Variants in CYP4Z1 observed in about 807,000 individuals in gnomAD.
The protein encoded by CYP4Z1 is cytochrome P450 4Z1.
Under a neutral mutation model 54.2 loss-of-function variants are expected in CYP4Z1, and 41 were observed. The observed-to-expected ratio is 0.76, with a 90% CI of 0.59 to 0.98. The LOEUF is 0.98. Among genes scored for constraint, CYP4Z1 ranks in the 50% least tolerant of loss-of-function variants. The pLI is 0.00. For synonymous variants in CYP4Z1, 163 were observed against 206.2 expected (o/e 0.79, Z 1.79); for missense variants, 513 against 599.0 (o/e 0.86, Z 1.50).
intron 7 of CYP4Z1, among the ~76,000 whole-genome samples, chr1:47,095,816 C>G (rs886749504): frequency 6.6e-6 from 1 of 152,182 alleles, no homozygotes; most frequent in African/African-American, 2.4e-5. Flanking sequence ...CAAATGGCAC[C>G]ATGTGAACAT....
intron 2 of CYP4Z1, among the ~76,000 whole-genome samples, chr1:47,072,729 T>C (rs1644491130): frequency 8.0e-6 from 1 of 125,426 alleles, no homozygotes; most frequent in Non-Finnish European, 1.7e-5. Context: ...ATAGGTATCA[T>C]GAGCTTCACA....
intron 6 of CYP4Z1, among the ~76,000 whole-genome samples, chr1:47,092,595 G>C (rs1307196802): frequency 6.6e-6 from 1 of 151,994 alleles, no homozygotes; most frequent in Non-Finnish European, 1.5e-5. Context: ...TATTGGGGTT[G>C]CAATTAGGGG....
Position 47,068,482 on chromosome 1 carries a change from A to AACT in CYP4Z1, c.178-139_178-137dup, listed in dbSNP as rs551731635. On this transcript the variant is annotated intron_variant, in intron 1 of 11. Transcript: ENST00000334194. Reference sequence around the variant, plus strand: ...GGTGCTGGAGACACATGGAGAAGAAAACTTGCCTTCAACAGATGTGAACCT... The same window carrying AACT: ...GGTGCTGGAGACACATGGAGAAGAAAACTACTTGCCTTCAACAGATGTGAACCT... 4.2e-3 allele frequency: 4,564 copies of AACT among 1,082,094 alleles called. 16 individuals carry two copies. The highest frequency in any genetic ancestry group is 5.2e-3 in the Non-Finnish European group (3,913 of 749,152). The allele number at this position is 1,082,094 out of a possible 1,614,324, so 67.0% of individuals were successfully genotyped here.
At chr1:47,115,687 A>G in intron 10 of CYP4Z1, 94 bp downstream of exon 10, 1 of 1,207,460 alleles carries the variant, frequency 8.3e-7, no homozygotes, top group South Asian at 1.3e-5. Flanking sequence ...TAGGATAACG[A>G]TCTGTCATTT....
At chr1:47,057,335 A>AAAAAAATATAT in the CYP4Z1 span, among the ~76,000 whole-genome samples, 15 of 28,476 alleles carry the variant, frequency 5.3e-4, no homozygotes, top group African/African-American at 1.1e-3. Flanking sequence ...AAGAAAAAAA[A>AAAAAAATATAT]ATATATATAT....
intron 6 of CYP4Z1, among the ~76,000 whole-genome samples, chr1:47,086,108 C>A (rs183752033): frequency 5.3e-5 from 8 of 152,016 alleles, no homozygotes; most frequent in East Asian, 1.9e-4. Context: ...GGACATTTGG[C>A]TTGGTTCCAA....
At chr1:47,105,894 C>G (rs1644753051) in intron 8 of CYP4Z1, among the ~76,000 whole-genome samples, 1 of 147,832 alleles carries the variant, frequency 6.8e-6, no homozygotes, top group Non-Finnish European at 1.5e-5. Context: ...ATAAGTATGT[C>G]TCAGGATAAG....
chr1:47,092,261 T>C (rs116504637), intron 6 of CYP4Z1, among the ~76,000 whole-genome samples: 19 of 151,302 alleles, frequency 1.3e-4, no homozygotes, highest in African/African-American at 4.4e-4. Flanking sequence ...TGCAAAGTTG[T>C]TGCTACCGTC....
intron 10 of CYP4Z1, 93 bp downstream of exon 10, chr1:47,115,686 G>C (rs1213001700): frequency 9.1e-6 from 11 of 1,210,684 alleles, no homozygotes; most frequent in Non-Finnish European, 1.3e-5. Flanking sequence ...TTAGGATAAC[G>C]ATCTGTCATT....
rs1358039214 is a variant in CYP4Z1, at chr1:47,098,871, C to G, written c.877-223C>G. Among the ~76,000 whole-genome samples, 3 of 152,122 alleles carry G rather than the reference C, an allele frequency of 2.0e-5. 1 individual carries two copies. The highest frequency in any genetic ancestry group is 4.8e-5 in the African/African-American group (2 of 41,446). On this transcript the variant is annotated intron_variant, in intron 7 of 11. Coordinates refer to ENST00000334194, the MANE Select transcript of CYP4Z1 (RefSeq NM_178134.3). ...ATAAAATATGAACGTCCATAGGACT[C>G]TCAATTTATTCTGCCCAGTTGAATT...
In CYP4Z1 at chr1:47,094,661, A is replaced by T; in HGVS notation, c.868A>T (p.Ser290Cys). The change falls in exon 7 of 12, where the codon AGT becomes TGT. Residue 290 changes from serine to cysteine, a missense_variant. Ser to Cys is a moderately radical substitution (Grantham distance 112). Transcript: ENST00000334194. ...CTGGGATTTTCTGGACATACTTTTG[A>T]GTGCCAAAGTAAGTCTTCTAAACTT... is the stretch of plus-strand genomic sequence containing the variant. Reference protein sequence around the residue: ...RRWDFLDILLSAKSENTKDFS... With the variant: ...RRWDFLDILLCAKSENTKDFS... 6.2e-7 allele frequency: 1 copy of T among 1,609,608 alleles called. No individual in the cohort carries two copies. The highest frequency in any genetic ancestry group is 8.5e-7 in the Non-Finnish European group (1 of 1,178,244).
At chr1:47,103,864 G>A (rs1256309270) in intron 8 of CYP4Z1, among the ~76,000 whole-genome samples, 1 of 151,454 alleles carries the variant, frequency 6.6e-6, no homozygotes, top group Non-Finnish European at 1.5e-5. Context: ...CCAAAGTGCT[G>A]GGATTACAGA....
At chr1:47,073,215 T>C (rs1434686311) in intron 2 of CYP4Z1, among the ~76,000 whole-genome samples, 3 of 123,070 alleles carry the variant, frequency 2.4e-5, no homozygotes, top group Admixed American at 8.9e-5. Context: ...TGCATTTTGC[T>C]TTTTTCACTT....
Position 47,117,903 on chromosome 1 carries a change from G to T in CYP4Z1, c.1487G>T (p.Gly496Val). ...VRQVVLKSKNGIHVFAKKVC is the reference protein window; with the variant it reads ...VRQVVLKSKNVIHVFAKKVC Reference sequence around the variant, plus strand: ...CAAGTTGTCCTCAAGTCCAAGAATGGAATCCATGTGTTTGCAAAAAAAGTT... The same window carrying T: ...CAAGTTGTCCTCAAGTCCAAGAATGTAATCCATGTGTTTGCAAAAAAAGTT... The change falls in exon 12 of 12, where the codon GGA (glycine) becomes GTA (valine). Residue 496 changes from glycine to valine, a missense_variant. Transcript: ENST00000334194. 6.2e-7 allele frequency: 1 copy of T among 1,613,402 alleles called. No individual in the cohort carries two copies. The highest frequency in any genetic ancestry group is 8.5e-7 in the Non-Finnish European group (1 of 1,179,692).
chr1:47,086,173 T>C (rs1468185982), intron 6 of CYP4Z1, among the ~76,000 whole-genome samples: 1 of 152,316 alleles, frequency 6.6e-6, no homozygotes, highest in African/African-American at 2.4e-5. Context: ...TGTGTCTTTA[T>C]AGCAGCATGA....
the CYP4Z1 span, among the ~76,000 whole-genome samples, chr1:47,060,932 A>G: frequency 6.6e-6 from 1 of 152,216 alleles, no homozygotes; most frequent in East Asian, 1.9e-4. Context: ...ATAGAAATTA[A>G]ACAACAGGCT....
chr1:47,076,704 G>A (rs956647833), intron 2 of CYP4Z1, among the ~76,000 whole-genome samples: 2 of 150,720 alleles, frequency 1.3e-5, no homozygotes, highest in African/African-American at 4.9e-5. Context: ...AATTAGCCGG[G>A]AGCGGTGGCG....
At chr1:47,066,239 C>T (rs995713231), upstream of CYP4Z1, among the ~76,000 whole-genome samples, 11 of 152,106 alleles carry the variant, frequency 7.2e-5, no homozygotes, top group Admixed American at 2.0e-4. Context: ...AAAAAGAAAA[C>T]TACAGACCAA....
At chr1:47,101,723 C>G (rs1644723065) in intron 8 of CYP4Z1, among the ~76,000 whole-genome samples, 1 of 152,032 alleles carries the variant, frequency 6.6e-6, no homozygotes, top group Non-Finnish European at 1.5e-5. Flanking sequence ...GTATTCTTCA[C>G]CTATTGGACA....
Sources: allele counts gnomAD v4.1 joint callset (sites outside exome capture counted in the v4.1 genomes callset), GRCh38; gene constraint gnomAD v4.1.1; transcripts MANE v1.5; gene names NCBI Gene and HGNC (gene_info 2026-07-23, HGNC 2026-07-21).